The following INPP4B variants were observed in gnomAD, a reference collection of about 807,000 sequenced individuals.
The protein encoded by INPP4B is inositol polyphosphate-4-phosphatase type II B.
Under a neutral mutation model 122.5 loss-of-function variants are expected in INPP4B, and 55 were observed. The ratio of observed to expected loss-of-function variants is 0.45; its 90% CI spans 0.36 to 0.56. The LOEUF is 0.56. INPP4B is among the 20% of genes least tolerant of loss of function. INPP4B has a pLI of 0.00. For synonymous variants in INPP4B, 403 were observed against 388.7 expected (o/e 1.04, Z -0.43); for missense variants, 1,000 against 1,097.7 (o/e 0.91, Z 1.26).
At chr4:142,180,200 T>C (rs1376076855) in intron 15 of INPP4B, among the ~76,000 whole-genome samples, 1 of 152,200 alleles carries the variant, frequency 6.6e-6, no homozygotes, top group Non-Finnish European at 1.5e-5. Flanking sequence ...CTTGGAATTA[T>C]ATACTTATAA....
chr4:142,082,930 T>C (rs1774782427), intron 24 of INPP4B, among the ~76,000 whole-genome samples: 1 of 152,142 alleles, frequency 6.6e-6, no homozygotes, highest in Admixed American at 6.6e-5. Flanking sequence ...AGTTTGAGAC[T>C]AGCCTGGGAA....
chr4:142,379,871 G>C (rs1298710040), intron 7 of INPP4B, among the ~76,000 whole-genome samples: 1 of 152,198 alleles, frequency 6.6e-6, no homozygotes, highest in South Asian at 2.1e-4. Context: ...GCATCCACCT[G>C]TACTCACAGC....
At position 142,145,924 on chromosome 4, in the gene INPP4B, C is replaced by T. The variant is rs115581438; in HGVS notation, c.1636G>A (p.Asp546Asn). The T allele has an allele frequency of 1.2e-6, 2 of 1,613,916 alleles. No homozygotes were observed. The highest frequency in any genetic ancestry group is 1.7e-6 in the Non-Finnish European group (2 of 1,179,850). ...CCGCCACTGCCTTCACTGCCACCAT[C>T]TCTTTCAATCAGTTTGTCCACCATA... Reference protein sequence around the residue: ...IAMVDKLIERDGGSEGSGGNN... With the variant: ...IAMVDKLIERNGGSEGSGGNN... The change falls in exon 18 of 26, where the codon GAT (aspartate) becomes AAT (asparagine). Residue 546 changes from aspartate (D) to asparagine (N), a missense_variant. By Grantham distance (23) the Asp-to-Asn change is conservative (BLOSUM62 1). Coordinates refer to ENST00000262992, the MANE Select transcript of INPP4B (RefSeq NM_001101669.3).
At chr4:142,800,092 T>A (rs1777816998) in intron 1 of INPP4B, among the ~76,000 whole-genome samples, 2 of 152,050 alleles carry the variant, frequency 1.3e-5, no homozygotes, top group Admixed American at 1.3e-4. Context: ...TTAAGCAGGG[T>A]GATTCTTTGA....
intron 20 of INPP4B, 100 bp downstream of exon 20, chr4:142,123,192 A>G: frequency 9.9e-7 from 1 of 1,005,648 alleles, no homozygotes; most frequent in South Asian, 2.2e-5. Context: ...ACTTGGCACA[A>G]TAAAGGTTTA....
intron 21 of INPP4B, among the ~76,000 whole-genome samples, chr4:142,114,312 T>C (rs1791817672): frequency 6.6e-6 from 1 of 152,092 alleles, no homozygotes; most frequent in African/African-American, 2.4e-5. Context: ...TTTCATTTTC[T>C]CTTGGGGGTA....
intron 2 of INPP4B, among the ~76,000 whole-genome samples, chr4:142,705,434 GTC>G (rs767377607): frequency 6.9e-6 from 1 of 144,648 alleles, no homozygotes; most frequent in Non-Finnish European, 1.5e-5. Context: ...TTCCTACCAA[GTC>G]TCTCTACCCA....
At chr4:142,245,274 C>CATGA (rs1475149347) in intron 11 of INPP4B, among the ~76,000 whole-genome samples, 1 of 152,166 alleles carries the variant, frequency 6.6e-6, no homozygotes, top group Admixed American at 6.5e-5. Context: ...GTGTTTTAGT[C>CATGA]ATGAAGTCTT....
At chr4:142,634,651 T>C (rs1748700565) in intron 2 of INPP4B, among the ~76,000 whole-genome samples, 1 of 152,148 alleles carries the variant, frequency 6.6e-6, no homozygotes, top group Non-Finnish European at 1.5e-5. Context: ...TTAAAATTTC[T>C]TAGAAGCTCT....
At chr4:142,364,764 A>C (rs774820188) in intron 7 of INPP4B, among the ~76,000 whole-genome samples, 1 of 152,018 alleles carries the variant, frequency 6.6e-6, no homozygotes, top group Non-Finnish European at 1.5e-5. Context: ...TGCAGAAGGA[A>C]AGTCCCCCAA....
intron 14 of INPP4B, among the ~76,000 whole-genome samples, chr4:142,207,816 T>C (rs1843183429): frequency 6.6e-6 from 1 of 152,130 alleles, no homozygotes; most frequent in African/African-American, 2.4e-5. Flanking sequence ...TTTTGATAAA[T>C]GGCAAGAGAT....
At chr4:142,618,429 G>A (rs891173688) in intron 2 of INPP4B, among the ~76,000 whole-genome samples, 8 of 151,972 alleles carry the variant, frequency 5.3e-5, no homozygotes, top group East Asian at 1.9e-4. Context: ...ATAAGCTCAC[G>A]CATGTATGAT....
At chr4:142,425,242 C>T (rs1329422696) in intron 5 of INPP4B, 1 of 151,996 alleles carries the variant, frequency 6.6e-6, no homozygotes, top group Non-Finnish European at 1.5e-5. Flanking sequence ...CAGGCCTGAT[C>T]CCATTATTCA....
chr4:142,331,921 G>A (rs184903235), intron 7 of INPP4B, among the ~76,000 whole-genome samples: 14 of 142,882 alleles, frequency 9.8e-5, no homozygotes, highest in African/African-American at 3.1e-4. Flanking sequence ...GGGGTGGGGG[G>A]TGGAGGGGGA....
At chr4:142,822,704 C>A (rs1780937147) in intron 1 of INPP4B, among the ~76,000 whole-genome samples, 1 of 152,088 alleles carries the variant, frequency 6.6e-6, no homozygotes, top group Admixed American at 6.6e-5. Context: ...TCTTAAAGGA[C>A]CAGACAAAAT....
intron 2 of INPP4B, among the ~76,000 whole-genome samples, chr4:142,598,181 C>T (rs562748241): frequency 6.6e-6 from 1 of 152,272 alleles, no homozygotes; most frequent in East Asian, 1.9e-4. Flanking sequence ...CCAGGAGCCC[C>T]CAGGGGCTTG....
chr4:142,412,831 C>T (rs1204188868), intron 5 of INPP4B, among the ~76,000 whole-genome samples: 1 of 151,976 alleles, frequency 6.6e-6, no homozygotes, highest in African/African-American at 2.4e-5. Context: ...TCTCTGCCAT[C>T]TCATATTTCC....
chr4:142,190,144 CA>C (rs1357483468), intron 15 of INPP4B, among the ~76,000 whole-genome samples: 3 of 151,552 alleles, frequency 2.0e-5, no homozygotes, highest in Admixed American at 6.6e-5. Context: ...TGGTAGTTCC[CA>C]AAAAACCTGG....
chr4:142,682,040 TA>T (rs146990031), intron 2 of INPP4B, among the ~76,000 whole-genome samples: 1,703 of 152,058 alleles, frequency 0.011, 30 homozygotes, highest in African/African-American at 0.031. Context: ...CTTGTTCTTC[TA>T]AGTGCTCTGT....
Sources: gnomAD v4.1 joint callset for allele counts (sites outside exome capture counted in the v4.1 genomes callset) on GRCh38, gnomAD v4.1.1 for gene constraint, MANE v1.5 for transcripts, NCBI Gene and HGNC (gene_info 2026-07-23, HGNC 2026-07-21) for gene names.